The following LPIN2 variants were observed in gnomAD, a reference collection of about 807,000 sequenced individuals.
LPIN2 encodes phosphatidate phosphatase LPIN2.
LPIN2 carries 55 observed loss-of-function variants against 111.4 expected under a neutral mutation model. The observed-to-expected ratio is 0.49, with a 90% CI of 0.40 to 0.62. LPIN2 has a LOEUF of 0.62. Among genes scored for constraint, LPIN2 ranks in the 20% least tolerant of loss-of-function variants. LPIN2 has a pLI of 0.00. For missense variants in LPIN2, 992 were observed against 1,112.1 expected (o/e 0.89, Z 1.54); for synonymous variants, 425 against 414.0 (o/e 1.03, Z -0.32).
At chr18:2,974,694 T>C (rs1266817722) in intron 1 of LPIN2, among the ~76,000 whole-genome samples, 1 of 152,176 alleles carries the variant, frequency 6.6e-6, no homozygotes, top group Non-Finnish European at 1.5e-5. Flanking sequence ...ACTTACCCCT[T>C]CCAATTGCCA....
chr18:2,963,148 A>C (rs1056787570), intron 1 of LPIN2, among the ~76,000 whole-genome samples: 2 of 152,232 alleles, frequency 1.3e-5, no homozygotes, highest in African/African-American at 4.8e-5. Flanking sequence ...GTAAAACAAA[A>C]GTAAAGGGAG....
chr18:2,939,525 C>T lies in LPIN2; in HGVS notation c.777G>A (p.Glu259=). 6.2e-7 allele frequency: 1 copy of T among 1,614,074 alleles called. No homozygotes were observed. The highest frequency in any genetic ancestry group is 8.5e-7 in the Non-Finnish European group (1 of 1,179,948). Reference sequence around the variant, plus strand: ...CGCCCCACGTCCACTCCATGTGAGACTCTGATCTGAGCAGGCTCTCCGCAG... The same window carrying T: ...CGCCCCACGTCCACTCCATGTGAGATTCTGATCTGAGCAGGCTCTCCGCAG... ...VKPAESLLRS[E]SHMEWTWGGF... Residue 259 remains glutamate (E), a synonymous_variant, in exon 6 of 20, where the codon GAG becomes GAA. Coordinates refer to ENST00000677752, the MANE Select transcript of LPIN2 (RefSeq NM_001375808.2).
intron 19 of LPIN2, 81 bp downstream of exon 19, chr18:2,920,697 G>A (rs2077039997): frequency 9.4e-7 from 1 of 1,062,140 alleles, no homozygotes; most frequent in East Asian, 2.4e-5. Context: ...CAAGGATCAG[G>A]GGGAAAAGGA....
intron 2 of LPIN2, among the ~76,000 whole-genome samples, chr18:2,958,168 AAAAAACAGAAAAAAG>A: frequency 6.8e-6 from 1 of 146,204 alleles, no homozygotes; most frequent in Non-Finnish European, 1.5e-5. Flanking sequence ...CAACAAAAAA[AAAAAACAGAAAAAAG>A]AAAAAAAAAC....
chr18:2,971,512 AGT>A (rs2077910960), intron 1 of LPIN2, among the ~76,000 whole-genome samples: 1 of 152,134 alleles, frequency 6.6e-6, no homozygotes, highest in South Asian at 2.1e-4. Flanking sequence ...GGAAGAGAAA[AGT>A]CCCGCAAGCT....
chr18:3,011,494 GGCCA>G (rs1353292843), intron 1 of LPIN2, among the ~76,000 whole-genome samples: 2 of 152,128 alleles, frequency 1.3e-5, no homozygotes, highest in Non-Finnish European at 2.9e-5. Context: ...AGACCAGCCT[GGCCA>G]ACATGGTGAA....
chr18:2,947,975 C>T (rs902328898), intron 4 of LPIN2, among the ~76,000 whole-genome samples: 1 of 152,184 alleles, frequency 6.6e-6, no homozygotes, highest in Admixed American at 6.5e-5. Flanking sequence ...GAAACCAACG[C>T]CCTGAGCGAT....
At position 2,920,147 on chromosome 18, in the gene LPIN2, GA is replaced by G; in HGVS notation, c.*145del. 9.2e-7 allele frequency: 1 copy of G among 1,091,932 alleles called. No homozygotes were observed. The highest frequency in any genetic ancestry group is 1.4e-6 in the Non-Finnish European group (1 of 738,236). The allele number at this position is 1,091,932 out of a possible 1,614,324, so 67.6% of individuals were successfully genotyped here. ...TGCCGAGCCTGAGCAGCTGGCCTGG[GA>G]AGGCAAAGGAGGATGGCGGGACCAG... is the stretch of plus-strand genomic sequence containing the variant. On this transcript the variant is annotated 3_prime_UTR_variant, in exon 20 of 20. Transcript: ENST00000677752.
intron 6 of LPIN2, 108 bp downstream of exon 6, chr18:2,939,372 A>T: frequency 7.5e-7 from 1 of 1,337,890 alleles, no homozygotes. Context: ...ACTATCATTT[A>T]CATTCATGAG....
intron 1 of LPIN2, among the ~76,000 whole-genome samples, chr18:2,972,732 A>G (rs1313375107): frequency 2.6e-5 from 4 of 152,180 alleles, no homozygotes; most frequent in Non-Finnish European, 4.4e-5. Flanking sequence ...CAACATTCAC[A>G]TGGCCAAACT....
chr18:2,956,729 A>C (rs2143161041), intron 2 of LPIN2, among the ~76,000 whole-genome samples: 1 of 152,338 alleles, frequency 6.6e-6, no homozygotes, highest in South Asian at 2.1e-4. Flanking sequence ...CAGACTCTAA[A>C]CTATTCATAC....
intron 1 of LPIN2, among the ~76,000 whole-genome samples, chr18:2,968,591 G>A (rs1224288829): frequency 3.1e-5 from 1 of 32,360 alleles, no homozygotes; most frequent in Non-Finnish European, 9.1e-5. Context: ...CTACTTGGGA[G>A]AGTTAGGTAA....
At chr18:3,012,817 TCCCCGCGCA>T (rs1282152478) in intron 1 of LPIN2, among the ~76,000 whole-genome samples, 2 of 151,420 alleles carry the variant, frequency 1.3e-5, no homozygotes, top group Non-Finnish European at 3.0e-5. Context: ...CGCCCCCGGC[TCCCCGCGCA>T]CCCCGCCGGT....
chr18:2,970,253 T>C (rs1241154092), intron 1 of LPIN2, among the ~76,000 whole-genome samples: 1 of 152,202 alleles, frequency 6.6e-6, no homozygotes, highest in Non-Finnish European at 1.5e-5. Context: ...ATTTCAATGA[T>C]TTCAGTGCTC....
At chr18:3,010,190 ATAGT>A (rs1203592339) in intron 1 of LPIN2, among the ~76,000 whole-genome samples, 1 of 152,214 alleles carries the variant, frequency 6.6e-6, no homozygotes, top group African/African-American at 2.4e-5. Context: ...AGTGTTAGTA[ATAGT>A]GTGTTACTAA....
At chr18:3,006,512 G>A (rs1329846321) in intron 1 of LPIN2, among the ~76,000 whole-genome samples, 2 of 152,128 alleles carry the variant, frequency 1.3e-5, no homozygotes, top group Admixed American at 6.5e-5. Context: ...GCAACATAGT[G>A]AAGCCTGGTC....
At position 2,941,876 on chromosome 18, in the gene LPIN2, A is replaced by T. The variant is rs752841986; in HGVS notation, c.591-1164T>A. 5.9e-5 allele frequency among the ~76,000 whole-genome samples: 9 copies of T among 152,350 alleles called. No homozygotes were observed. The South Asian group carries it at 8.3e-4, about 14-fold the overall frequency. ...GAGGCAGAGGTTGCAGTGAGCGGAG[A>T]TCGCACCACTGCACTCCAGCCTAGG... is the stretch of plus-strand genomic sequence containing the variant. On this transcript the variant is annotated intron_variant, in intron 4 of 19. Coordinates refer to ENST00000677752, the MANE Select transcript of LPIN2 (RefSeq NM_001375808.2).
chr18:2,953,221 T>G (rs1242561061), intron 3 of LPIN2, among the ~76,000 whole-genome samples: 2 of 152,212 alleles, frequency 1.3e-5, no homozygotes, highest in Non-Finnish European at 2.9e-5. Flanking sequence ...GCATAATTTT[T>G]AGCGGAACTG....
rs2077030403 is a variant in LPIN2 at position 2,920,125 on chromosome 18, C to T, written c.*168G>A. Reference sequence around the variant, plus strand: ...TCCAGGAGCTGAGCTGCAGACCTGCCGAGCCTGAGCAGCTGGCCTGGGAAG... The same window carrying T: ...TCCAGGAGCTGAGCTGCAGACCTGCTGAGCCTGAGCAGCTGGCCTGGGAAG... On this transcript the variant is annotated 3_prime_UTR_variant, in exon 20 of 20. Coordinates refer to ENST00000677752, the MANE Select transcript of LPIN2 (RefSeq NM_001375808.2). 8 of 853,472 alleles carry T rather than the reference C, an allele frequency of 9.4e-6. No homozygotes were observed. The highest frequency in any genetic ancestry group is 3.4e-4 in the Middle Eastern group (1 of 2,932). 52.9% of individuals were successfully genotyped at this position (853,472 alleles called of 1,614,324 possible).
Sources: allele counts gnomAD v4.1 joint callset (sites outside exome capture counted in the v4.1 genomes callset), GRCh38; gene constraint gnomAD v4.1.1; transcripts MANE v1.5; gene names NCBI Gene and HGNC (gene_info 2026-07-23, HGNC 2026-07-21).